Variants in PAPPA2 observed in about 807,000 individuals in gnomAD.
PAPPA2 encodes the protein pappalysin-2.
PAPPA2 carries 86 observed loss-of-function variants against 176.4 expected under a neutral mutation model. The observed-to-expected ratio is 0.49, with a 90% confidence interval of 0.41 to 0.58. PAPPA2 has a LOEUF of 0.58. Ranked by LOEUF, PAPPA2 falls within the 20% of genes least tolerant of loss-of-function variation. The pLI is 0.00. For synonymous variants in PAPPA2, 809 were observed against 852.2 expected, an observed-to-expected ratio of 0.95 and a Z score of 0.88; for missense variants, 2,073 against 2,256.9, an observed-to-expected ratio of 0.92 and a Z score of 1.65.
At chr1:176,497,656 C>A (rs1169371905) in intron 1 of PAPPA2, among the ~76,000 whole-genome samples, 1 of 152,126 alleles carries the variant, frequency 6.6e-6, no homozygotes, top group African/African-American at 2.4e-5. Flanking sequence ...TGAAATACTG[C>A]ACCCACATTT....
rs1358345232 is a variant in PAPPA2, at chr1:176,572,021, G to A, written c.919+14780G>A. Among the ~76,000 whole-genome samples, 3 of 152,184 alleles carry A rather than the reference G, an allele frequency of 2.0e-5. No homozygotes were observed. In the East Asian group the frequency reaches 5.8e-4, roughly 29 times the overall value. ...GGACCGTCAGAGCATCACAGGCCAG[G>A]TGACAACCCAGCCCATCTCTGCTTC... On this transcript the variant is annotated intron_variant, in intron 2 of 22. Transcript: ENST00000367662.
intron 3 of PAPPA2, among the ~76,000 whole-genome samples, chr1:176,615,396 C>T (rs1392595473): frequency 6.6e-6 from 1 of 152,136 alleles, no homozygotes; most frequent in Admixed American, 6.5e-5. Context: ...CTGCAAGCTC[C>T]GCCTCCCGGG....
intron 1 of PAPPA2, among the ~76,000 whole-genome samples, chr1:176,553,006 GT>G (rs1450405577): frequency 6.6e-6 from 1 of 152,062 alleles, no homozygotes; most frequent in Non-Finnish European, 1.5e-5. Flanking sequence ...ATAAATTTGG[GT>G]TTCCCTTGGC....
At chr1:176,472,470 C>T (rs1651926001) in intron 1 of PAPPA2, among the ~76,000 whole-genome samples, 2 of 152,080 alleles carry the variant, frequency 1.3e-5, no homozygotes, top group South Asian at 4.1e-4. Flanking sequence ...TATGACAAGT[C>T]AGTCTAGGCT....
At position 176,508,885 on chromosome 1, in the gene PAPPA2, C is replaced by A. The variant is rs528140749; in HGVS notation, c.-917+45467C>A. On this transcript the variant is annotated intron_variant, in intron 1 of 22. Transcript: ENST00000367662. Reference sequence around the variant, plus strand: ...TGCCATGATCATAAGTGTCCTGAGGCTTCCTCAGCCATGTGGAACTGTGAA... The same window carrying A: ...TGCCATGATCATAAGTGTCCTGAGGATTCCTCAGCCATGTGGAACTGTGAA... Among the ~76,000 whole-genome samples, 2 of 152,224 alleles carry A rather than the reference C, an allele frequency of 1.3e-5. 1 individual carries two copies. Among genetic ancestry groups the A allele is most frequent in the African/African-American group, 4.8e-5 (2 of 41,534 alleles).
intron 21 of PAPPA2, among the ~76,000 whole-genome samples, chr1:176,835,864 TC>T (rs1667252045): frequency 6.6e-6 from 1 of 152,090 alleles, no homozygotes; most frequent in Non-Finnish European, 1.5e-5. Context: ...TTATCAGAGG[TC>T]CCTGAGGGGC....
At chr1:176,761,740 G>A (rs1663708900) in intron 14 of PAPPA2, among the ~76,000 whole-genome samples, 1 of 152,138 alleles carries the variant, frequency 6.6e-6, no homozygotes, top group Non-Finnish European at 1.5e-5. Flanking sequence ...CCAGCCTGAG[G>A]ATTTTCCTCT....
chr1:176,613,627 C>T (rs868274891), intron 3 of PAPPA2, among the ~76,000 whole-genome samples: 1 of 152,172 alleles, frequency 6.6e-6, no homozygotes, highest in Non-Finnish European at 1.5e-5. Context: ...AGTTTGAAAT[C>T]ATAGATTTCT....
chr1:176,669,333 C>T (rs1329062352), intron 3 of PAPPA2, among the ~76,000 whole-genome samples: 1 of 151,260 alleles, frequency 6.6e-6, no homozygotes, highest in Non-Finnish European at 1.5e-5. Context: ...TTTTCTCTTC[C>T]CTTCTCTCTC....
chr1:176,605,853 C>T (rs1438384795), intron 3 of PAPPA2, among the ~76,000 whole-genome samples: 6 of 152,128 alleles, frequency 3.9e-5, no homozygotes, highest in Non-Finnish European at 7.4e-5. Context: ...GGTTTTTCAT[C>T]TTTACTACTT....
At chr1:176,838,900 T>C (rs1439350739) in intron 21 of PAPPA2, among the ~76,000 whole-genome samples, 1 of 152,202 alleles carries the variant, frequency 6.6e-6, no homozygotes, top group Non-Finnish European at 1.5e-5. Flanking sequence ...GACATCAGGA[T>C]CCCATAGAAT....
At position 176,574,001 on chromosome 1, in the gene PAPPA2, T is replaced by C. The variant is rs537402623; in HGVS notation, c.919+16760T>C. On this transcript the variant is annotated intron_variant, in intron 2 of 22. Transcript: ENST00000367662. ...ATTAGGGGAAGTGGAATTTTTAGAGTGTCATGTGACGCATCATTGTTTGAG... is the reference window on the plus strand; with the variant it reads ...ATTAGGGGAAGTGGAATTTTTAGAGCGTCATGTGACGCATCATTGTTTGAG... Among the ~76,000 whole-genome samples the C allele has an allele frequency of 1.4e-4, 22 of 152,016 alleles. 1 individual carries two copies. The East Asian group carries it at 3.5e-3, about 24-fold the overall frequency.
intron 6 of PAPPA2, among the ~76,000 whole-genome samples, chr1:176,693,057 G>T (rs1021835997): frequency 2.6e-5 from 4 of 152,186 alleles, no homozygotes; most frequent in African/African-American, 9.6e-5. Flanking sequence ...TTGTAGAAAG[G>T]AGAGAAAGGT....
At chr1:176,590,077 T>G (rs1653564643) in intron 2 of PAPPA2, among the ~76,000 whole-genome samples, 1 of 152,222 alleles carries the variant, frequency 6.6e-6, no homozygotes, top group Admixed American at 6.5e-5. Context: ...CAGGTACAGT[T>G]GGTCACTGGG....
At chr1:176,723,760 T>C (rs12735847) in intron 12 of PAPPA2, among the ~76,000 whole-genome samples, 12,504 of 152,196 alleles carry the variant, frequency 0.082, 591 homozygotes, top group Middle Eastern at 0.12. Context: ...TTTCTTCTAA[T>C]CTTGAGCCAA....
At chr1:176,663,879 A>T (rs34868958) in intron 3 of PAPPA2, among the ~76,000 whole-genome samples, 2,603 of 152,194 alleles carry the variant, frequency 0.017, 40 homozygotes, top group South Asian at 0.042. Context: ...TTGTCTTTCT[A>T]AGTATCTGTA....
intron 17 of PAPPA2, among the ~76,000 whole-genome samples, chr1:176,788,004 G>A (rs552282277): frequency 6.6e-6 from 1 of 151,868 alleles, no homozygotes; most frequent in African/African-American, 2.4e-5. Flanking sequence ...AGGTTGCAGC[G>A]AGCCGAGATC....
intron 1 of PAPPA2, among the ~76,000 whole-genome samples, chr1:176,495,028 C>A (rs1026144737): frequency 6.6e-6 from 1 of 151,916 alleles, no homozygotes; most frequent in Non-Finnish European, 1.5e-5. Context: ...AAGTCAGGCC[C>A]CAAAATGCTA....
chr1:176,747,601 A>T (rs1196438237), intron 14 of PAPPA2, among the ~76,000 whole-genome samples: 1 of 152,248 alleles, frequency 6.6e-6, no homozygotes, highest in Non-Finnish European at 1.5e-5. Flanking sequence ...CTAACCCAGG[A>T]AAAGAAACAT....
Sources: gnomAD v4.1 joint callset for allele counts (sites outside exome capture counted in the v4.1 genomes callset) on GRCh38, gnomAD v4.1.1 for gene constraint, MANE v1.5 for transcripts, NCBI Gene and HGNC (gene_info 2026-07-23, HGNC 2026-07-21) for gene names.